The following TRMT10A variants were observed in gnomAD, a reference collection of about 807,000 sequenced individuals.
TRMT10A encodes tRNA methyltransferase 10A.
TRMT10A carries 37 observed loss-of-function variants against 40.4 expected under a neutral mutation model. The ratio of observed to expected loss-of-function variants is 0.92; its 90% confidence interval spans 0.71 to 1.21. The LOEUF is 1.21. TRMT10A is among the 50% of genes most tolerant of loss of function. TRMT10A has a pLI of 0.00. For missense variants in TRMT10A, 388 were observed against 404.3 expected, an observed-to-expected ratio of 0.96 and a Z score of 0.35; for synonymous variants, 103 against 134.1, an observed-to-expected ratio of 0.77 and a Z score of 1.60.
intron 5 of TRMT10A, among the ~76,000 whole-genome samples, chr4:99,555,851 T>C (rs1024099166): frequency 3.9e-5 from 6 of 152,170 alleles, no homozygotes; most frequent in African/African-American, 9.6e-5. Context: ...ATATAATGTA[T>C]AGCTAGTATG....
intron 1 of TRMT10A, among the ~76,000 whole-genome samples, chr4:99,562,307 AT>A: frequency 6.6e-6 from 1 of 151,160 alleles, no homozygotes; most frequent in East Asian, 1.9e-4. Flanking sequence ...CTTACAAACT[AT>A]CTCACTTTGT....
At chr4:99,555,948 A>G (rs1328715205) in intron 5 of TRMT10A, among the ~76,000 whole-genome samples, 198 bp downstream of exon 5, 1 of 152,224 alleles carries the variant, frequency 6.6e-6, no homozygotes, top group Non-Finnish European at 1.5e-5. Context: ...GGAAGATTTA[A>G]TGAGAACAAA....
intron 7 of TRMT10A, 145 bp downstream of exon 7, chr4:99,550,740 C>A (rs984247825): frequency 1.6e-6 from 1 of 637,314 alleles, no homozygotes; most frequent in Non-Finnish European, 2.6e-6. Flanking sequence ...CACATTATTT[C>A]TGTTAAACAA....
At position 99,557,369 on chromosome 4, in the gene TRMT10A, G is replaced by A. The variant is rs763507169; in HGVS notation, c.396C>T (p.Asn132=). ...CCTGCACAGGATGCAGTGCCCGTCG[G>A]TTTTCTGCGTAACATCGTTGAATCT... ...HKQIQRCYAE[N]RRALHPVQFY... Residue 132 remains asparagine (N), a synonymous_variant, in exon 4 of 8, where the codon AAC becomes AAT. Transcript: ENST00000394876. 1.2e-6 allele frequency: 2 copies of A among 1,613,484 alleles called. No individual in the cohort carries two copies. Among genetic ancestry groups the A allele is most frequent in the Admixed American group, 1.7e-5 (1 of 59,992 alleles).
intron 4 of TRMT10A, 25 bp downstream of exon 4, chr4:99,557,320 T>C (rs371320115): frequency 1.9e-6 from 3 of 1,597,944 alleles, no homozygotes; most frequent in African/African-American, 1.4e-5. Context: ...AAAACTAGAG[T>C]CTGCTTTAAA....
chr4:99,563,133 T>C (rs7682548), intron 1 of TRMT10A, among the ~76,000 whole-genome samples: 39,831 of 152,200 alleles, frequency 0.26, 5,384 homozygotes, highest in South Asian at 0.35. Context: ...GAATGCCCTT[T>C]TAAAAGACAT....
At chr4:99,559,399 G>C in intron 1 of TRMT10A, 38 bp from the exon 2 acceptor site, 1 of 1,346,626 alleles carries the variant, frequency 7.4e-7, no homozygotes, top group South Asian at 1.5e-5. Context: ...GCACAAAAAA[G>C]TTAAAAAACT....
In TRMT10A at chr4:99,558,035, A is replaced by G; in HGVS notation, c.348+14T>C. On this transcript the variant is annotated intron_variant, in intron 3 of 7. Transcript: ENST00000394876. ...ATTCACATACAAGATTTTTCTGACA[A>G]TGATTCATGATACCTTTAATACCAT... 6.5e-7 allele frequency: 1 copy of G among 1,534,262 alleles called. No homozygotes were observed. Among genetic ancestry groups the G allele is most frequent in the Non-Finnish European group, 8.7e-7 (1 of 1,146,170 alleles).
At chr4:99,562,494 A>G (rs1313762143) in intron 1 of TRMT10A, among the ~76,000 whole-genome samples, 9 of 146,766 alleles carry the variant, frequency 6.1e-5, no homozygotes, top group Non-Finnish European at 9.0e-5. Context: ...TAATGACTTG[A>G]CAGCGATAGC....
chr4:99,559,515 C>T (rs549387242), intron 1 of TRMT10A, among the ~76,000 whole-genome samples, 154 bp from the exon 2 acceptor site: 1 of 152,218 alleles, frequency 6.6e-6, no homozygotes, highest in Admixed American at 6.5e-5. Flanking sequence ...CATTTAATAT[C>T]AATTAAATAT....
intron 7 of TRMT10A, 24 bp from the exon 8 acceptor site, chr4:99,549,380 C>T (rs1456015367): frequency 1.2e-6 from 2 of 1,608,328 alleles, no homozygotes; most frequent in South Asian, 1.1e-5. Flanking sequence ...ATATTCCGTA[C>T]ATTTCTTAGC....
Position 99,563,996 on chromosome 4 carries a change from A to C in TRMT10A, c.-107T>G. On this transcript the variant is annotated 5_prime_UTR_variant, in exon 1 of 8. Transcript: ENST00000394876. ...CTGGTTACGGCTCACGCTTCCTTCC[A>C]CAGAAACTTCAATTCCCAGAGGCAG... The C allele has an allele frequency of 6.9e-7, 1 of 1,444,232 alleles. No homozygotes were observed. The highest frequency in any genetic ancestry group is 1.2e-5 in the South Asian group (1 of 81,760). 89.5% of individuals were successfully genotyped at this position (1,444,232 alleles called of 1,614,324 possible). A position where few individuals can be genotyped will look rare whatever the true frequency, so the allele number is the denominator to read the frequency against.
intron 4 of TRMT10A, 104 bp downstream of exon 4, chr4:99,557,241 G>T: frequency 8.7e-7 from 1 of 1,148,574 alleles, no homozygotes; most frequent in Non-Finnish European, 1.2e-6. Context: ...CATTAAACAA[G>T]ATTACCTGTA....
In TRMT10A at chr4:99,558,161, T is replaced by C. The variant is rs1175206928; in HGVS notation, c.236A>G (p.Gln79Arg). 2.5e-6 allele frequency: 4 copies of C among 1,607,258 alleles called. No homozygotes were observed. Among genetic ancestry groups the C allele is most frequent in the Middle Eastern group, 1.7e-4 (1 of 6,036 alleles). ...ATGTCCATCTGAGTTTGGTTCCATT[T>C]GACATTGTCGCTCTAATTTTTTCCT... ...RKRKKLERQC[Q>R]MEPNSDGHDR... is the part of the protein sequence containing the mutation. Residue 79 changes from glutamine to arginine, a missense_variant, in exon 3 of 8, where the codon CAA (glutamine) becomes CGA (arginine). Physicochemically the swap from Gln to Arg is conservative, Grantham distance 43. Transcript: ENST00000394876.
Position 99,549,061 on chromosome 4 carries a change from C to T in TRMT10A, c.*27G>A, listed in dbSNP as rs1398534184. 1 of 1,604,662 alleles carries T rather than the reference C, an allele frequency of 6.2e-7. No homozygotes were observed. Among genetic ancestry groups the T allele is most frequent in the Non-Finnish European group, 8.5e-7 (1 of 1,173,666 alleles). On this transcript the variant is annotated 3_prime_UTR_variant, in exon 8 of 8. Coordinates refer to ENST00000394876, the MANE Select transcript of TRMT10A (RefSeq NM_001134665.3). ...GCACCTCACTTTCTCCTAATTTTTC[C>T]TTAAACTAAAAGGAAACCAGGTAAC...
At chr4:99,558,599 A>G (rs1724260331) in intron 2 of TRMT10A, among the ~76,000 whole-genome samples, 1 of 152,126 alleles carries the variant, frequency 6.6e-6, no homozygotes, top group African/African-American at 2.4e-5. Context: ...GCAAAATAAA[A>G]TTGTTCATTA....
intron 7 of TRMT10A, among the ~76,000 whole-genome samples, chr4:99,550,589 C>T (rs925997993): frequency 1.1e-4 from 16 of 151,894 alleles, no homozygotes; most frequent in Non-Finnish European, 2.2e-4. Flanking sequence ...TAGTGAAAAT[C>T]CAATTATGTA....
intron 6 of TRMT10A, among the ~76,000 whole-genome samples, chr4:99,552,156 A>G (rs1460673042): frequency 2.6e-5 from 4 of 152,132 alleles, no homozygotes; most frequent in Non-Finnish European, 5.9e-5. Context: ...TAAATTTAGT[A>G]TAGCATAAGT....
At chr4:99,549,599 A>G (rs1030335676) in intron 7 of TRMT10A, among the ~76,000 whole-genome samples, 2 of 152,142 alleles carry the variant, frequency 1.3e-5, no homozygotes, top group African/African-American at 2.4e-5. Context: ...CCAGTATCCC[A>G]TGTCAATTAT....
Sources: allele counts gnomAD v4.1 joint callset (sites outside exome capture counted in the v4.1 genomes callset), GRCh38; gene constraint gnomAD v4.1.1; transcripts MANE v1.5; gene names NCBI Gene and HGNC (gene_info 2026-07-23, HGNC 2026-07-21).